The following EMC3 variants were observed in gnomAD, a reference collection of about 807,000 sequenced individuals.
EMC3 encodes the protein ER membrane protein complex subunit 3, also known as 30 kDa protein.
Under a neutral mutation model 36.6 loss-of-function variants are expected in EMC3, and 13 were observed. The observed-to-expected ratio is 0.35, with a 90% CI of 0.23 to 0.56. EMC3 has a LOEUF of 0.56. Among genes scored for constraint, EMC3 ranks in the 20% least tolerant of loss-of-function variants. The pLI is 0.84. For missense variants in EMC3, 220 were observed against 324.5 expected (o/e 0.68, Z 2.47); for synonymous variants, 120 against 111.9 (o/e 1.07, Z -0.46).
At chr3:9,974,848 G>A (rs1397521687) in intron 3 of EMC3, among the ~76,000 whole-genome samples, 6 of 131,186 alleles carry the variant, frequency 4.6e-5, no homozygotes, top group Non-Finnish European at 6.3e-5. Flanking sequence ...GGGAGCCACC[G>A]CACCCAGCGT....
Position 9,983,528 on chromosome 3 carries a change from C to G in EMC3, c.155+2979G>C, listed in dbSNP as rs113335464. 2.2e-3 allele frequency among the ~76,000 whole-genome samples: 337 copies of G among 152,230 alleles called. 1 individual carries two copies. The highest frequency in any genetic ancestry group is 6.8e-3 in the South Asian group (33 of 4,826). Reference sequence around the variant, plus strand: ...TCTCTACTAAAATACAAAAATTAGCCAGGCATGCTGGCGCATGCCGCTAAT... The same window carrying G: ...TCTCTACTAAAATACAAAAATTAGCGAGGCATGCTGGCGCATGCCGCTAAT... On this transcript the variant is annotated intron_variant, in intron 1 of 7. Transcript: ENST00000245046.
intron 1 of EMC3, among the ~76,000 whole-genome samples, chr3:9,995,802 T>C (rs2086116454): frequency 6.6e-6 from 1 of 152,056 alleles, no homozygotes; most frequent in Non-Finnish European, 1.5e-5. Context: ...CACAATCGGC[T>C]GATTTTTGTA....
rs556153910 is a variant in EMC3 at position 10,009,810 on chromosome 3, C to T, written c.-242+1213G>A. The T allele has an allele frequency of 2.0e-5, 3 of 152,376 alleles. No individual in the cohort carries two copies. In the East Asian group the frequency reaches 5.8e-4, roughly 29 times the overall value. 9.4% of individuals were successfully genotyped at this position (152,376 alleles called of 1,614,324 possible). On this transcript the variant is annotated intron_variant, in intron 1 of 8. Transcript: ENST00000470827. Reference sequence around the variant, plus strand: ...ACCATCAGAAGGGTGTCTGTGTAGCCGGGGCCCCAGAACCATGTCTGCGTG... The same window carrying T: ...ACCATCAGAAGGGTGTCTGTGTAGCTGGGGCCCCAGAACCATGTCTGCGTG...
At chr3:9,970,973 A>G (rs1315584015) in intron 5 of EMC3, among the ~76,000 whole-genome samples, 1 of 150,972 alleles carries the variant, frequency 6.6e-6, no homozygotes, top group African/African-American at 2.5e-5. Flanking sequence ...CCCAGGCTGG[A>G]GTGCAGTGGC....
At chr3:9,997,802 A>G (rs1220237819) in intron 1 of EMC3, among the ~76,000 whole-genome samples, 2 of 152,028 alleles carry the variant, frequency 1.3e-5, no homozygotes, top group African/African-American at 4.8e-5. Flanking sequence ...CCATTCATCC[A>G]TTGATGGACA....
chr3:9,994,245 C>G, intron 1 of EMC3: 2 of 1,497,228 alleles, frequency 1.3e-6, no homozygotes, highest in Non-Finnish European at 1.8e-6. Flanking sequence ...GCTTCACTCT[C>G]TAGACTAGAG....
At chr3:9,991,637 C>T (rs2086053725), upstream of EMC3, among the ~76,000 whole-genome samples, 1 of 152,054 alleles carries the variant, frequency 6.6e-6, no homozygotes, top group South Asian at 2.1e-4. Context: ...TCCTCAGCCT[C>T]CCAAAGCAGT....
rs368001034 is a variant in EMC3, at chr3:10,007,601, G to C, written c.-242+3422C>G. 4.4e-6 allele frequency: 6 copies of C among 1,367,390 alleles called. No homozygotes were observed. The African/African-American group carries it at 8.9e-5, about 20-fold the overall frequency. The allele number at this position is 1,367,390 out of a possible 1,614,324, so 84.7% of individuals were successfully genotyped here. A position where few individuals can be genotyped will look rare whatever the true frequency, so the allele number is the denominator to read the frequency against. On this transcript the variant is annotated intron_variant, in intron 1 of 8. Coordinates refer to the EMC3 transcript ENST00000470827. ...GCATCCTGGGTGTCAGGGGAGGGTT[G>C]ATGGCAAGACACAGCAGCAGCCCTG...
intron 1 of EMC3, among the ~76,000 whole-genome samples, chr3:9,979,021 C>G (rs900622412): frequency 6.6e-6 from 1 of 152,164 alleles, no homozygotes; most frequent in Non-Finnish European, 1.5e-5. Context: ...CTCCATCATG[C>G]CTTAACATCT....
intron 1 of EMC3, among the ~76,000 whole-genome samples, chr3:9,997,548 C>T (rs2086142143): frequency 1.3e-5 from 2 of 152,198 alleles, no homozygotes; most frequent in African/African-American, 2.4e-5. Flanking sequence ...CAACCTCTGC[C>T]TCCTGGGTTC....
At chr3:9,967,064 C>G (rs1326014624) in intron 7 of EMC3, among the ~76,000 whole-genome samples, 1 of 152,206 alleles carries the variant, frequency 6.6e-6, no homozygotes, top group East Asian at 1.9e-4. Flanking sequence ...CACTGCCCCC[C>G]ATCCCATCCT....
chr3:10,002,798 AC>A (rs1483761188), intron 1 of EMC3: 5 of 455,750 alleles, frequency 1.1e-5, no homozygotes, highest in South Asian at 6.2e-5. Flanking sequence ...TTCCAGCATG[AC>A]CCTGTGTCTT....
chr3:9,968,064 G>A (rs960782898), intron 7 of EMC3, among the ~76,000 whole-genome samples: 83 of 152,182 alleles, frequency 5.5e-4, no homozygotes, highest in African/African-American at 1.9e-3. Flanking sequence ...TGGGACTACA[G>A]GCAGGCACCA....
upstream of EMC3, among the ~76,000 whole-genome samples, chr3:9,988,180 A>C (rs1003110462): frequency 6.6e-6 from 1 of 152,182 alleles, no homozygotes; most frequent in Non-Finnish European, 1.5e-5. Context: ...GTATGTGGCT[A>C]TGTATGTGTT....
chr3:9,990,325 CTTTTTTTTTTTT>C (rs4020037), upstream of EMC3, among the ~76,000 whole-genome samples: 1 of 88,706 alleles, frequency 1.1e-5, no homozygotes, highest in Non-Finnish European at 2.0e-5. Flanking sequence ...GGGCCTTTCT[CTTTTTTTTTTTT>C]TTTTTTTTTT....
intron 1 of EMC3, among the ~76,000 whole-genome samples, chr3:10,006,080 G>A (rs762341937): frequency 2.0e-5 from 3 of 152,214 alleles, no homozygotes; most frequent in East Asian, 1.9e-4. Context: ...GGAAGTTTTA[G>A]TGAAGCCCCC....
intron 3 of EMC3, among the ~76,000 whole-genome samples, chr3:9,976,246 C>G (rs764298727): frequency 6.6e-6 from 1 of 152,118 alleles, no homozygotes; most frequent in Non-Finnish European, 1.5e-5. Context: ...GCTGGGACTA[C>G]AGGCACCCAC....
chr3:9,972,424 C>T (rs937638379), intron 5 of EMC3, among the ~76,000 whole-genome samples: 2 of 148,626 alleles, frequency 1.3e-5, no homozygotes, highest in African/African-American at 2.5e-5. Flanking sequence ...GTAAAAGTTG[C>T]CATAAACCAC....
At chr3:9,973,076 C>A (rs1361852734) in intron 5 of EMC3, among the ~76,000 whole-genome samples, 3 of 151,580 alleles carry the variant, frequency 2.0e-5, no homozygotes, top group Non-Finnish European at 4.4e-5. Context: ...CCGCCCGCCT[C>A]GGCCTCCCAA....
Sources: gnomAD v4.1 joint callset for allele counts (sites outside exome capture counted in the v4.1 genomes callset) on GRCh38, gnomAD v4.1.1 for gene constraint, MANE v1.5 for transcripts, NCBI Gene and HGNC (gene_info 2026-07-23, HGNC 2026-07-21) for gene names.